Variants in COMMD1 observed in about 807,000 individuals in gnomAD.
COMMD1 encodes the protein COMM domain-containing protein 1.
Under a neutral mutation model 17.2 loss-of-function variants are expected in COMMD1, and 10 were observed. The ratio of observed to expected loss-of-function variants is 0.58; its 90% CI spans 0.36 to 0.99. The LOEUF (loss-of-function observed/expected upper bound fraction) is 0.99. Among genes scored for constraint, COMMD1 ranks in the 50% least tolerant of loss-of-function variants. The probability of loss-of-function intolerance (pLI) is 0.01; values close to 1 mark genes in which losing one functional copy is unlikely to be tolerated. For synonymous variants in COMMD1, 97 were observed against 91.6 expected, an observed-to-expected ratio of 1.06 and a Z score of -0.34; for missense variants, 270 against 231.8, an observed-to-expected ratio of 1.17 and a Z score of -1.07.
intron 2 of COMMD1, among the ~76,000 whole-genome samples, chr2:62,028,505 C>G (rs964722256): frequency 6.6e-6 from 1 of 152,016 alleles, no homozygotes; most frequent in East Asian, 1.9e-4. Flanking sequence ...AAACTTGAGT[C>G]TGGGAGGTCA....
intron 2 of COMMD1, among the ~76,000 whole-genome samples, chr2:62,038,818 A>C (rs554910203): frequency 6.6e-6 from 1 of 152,200 alleles, no homozygotes; most frequent in South Asian, 2.1e-4. Flanking sequence ...CAAAGTGCTA[A>C]GATTACAGGT....
intron 2 of COMMD1, among the ~76,000 whole-genome samples, chr2:62,093,347 T>C (rs866865038): frequency 4.6e-5 from 7 of 152,232 alleles, no homozygotes; most frequent in Non-Finnish European, 1.0e-4. Flanking sequence ...GTATACCTTT[T>C]GGGCTACCAT....
At chr2:62,052,239 C>G (rs1469272027) in intron 2 of COMMD1, among the ~76,000 whole-genome samples, 1 of 152,046 alleles carries the variant, frequency 6.6e-6, no homozygotes, top group Non-Finnish European at 1.5e-5. Flanking sequence ...TTGCTTGACC[C>G]CAGGAGTTCG....
At chr2:62,077,429 T>G (rs1671377146) in intron 2 of COMMD1, among the ~76,000 whole-genome samples, 1 of 152,290 alleles carries the variant, frequency 6.6e-6, no homozygotes, top group East Asian at 1.9e-4. Flanking sequence ...TTTGAAGGTA[T>G]TTTTATCTCT....
intron 2 of COMMD1, among the ~76,000 whole-genome samples, chr2:62,098,132 A>G (rs1052154201): frequency 7.1e-6 from 1 of 141,418 alleles, no homozygotes; most frequent in Admixed American, 7.0e-5. Context: ...TAAACTCATA[A>G]TTTTAGAGAC....
rs76592905 is a variant in COMMD1, at chr2:62,018,059, A to G, written c.462+17077A>G. On this transcript the variant is annotated intron_variant, in intron 2 of 2. Transcript: ENST00000311832. ...GCATGACCTATCTCAAAAAAAAAAA[A>G]AAGTCTGACTTTATGTGGAGGTAAG... 1.3e-4 allele frequency among the ~76,000 whole-genome samples: 20 copies of G among 152,208 alleles called. No individual in the cohort carries two copies. In the East Asian group the frequency reaches 3.7e-3, roughly 28 times the overall value.
chr2:62,047,965 A>G (rs1477076924), intron 2 of COMMD1, among the ~76,000 whole-genome samples: 2 of 152,146 alleles, frequency 1.3e-5, no homozygotes, highest in Admixed American at 1.3e-4. Flanking sequence ...GCTTAGGTGT[A>G]TAGTAGGCTA....
At chr2:62,134,367 A>G (rs1169328729) in intron 2 of COMMD1, among the ~76,000 whole-genome samples, 3 of 152,208 alleles carry the variant, frequency 2.0e-5, no homozygotes, top group Non-Finnish European at 4.4e-5. Context: ...TTAATTATCT[A>G]GAAAACAAGG....
intron 2 of COMMD1, among the ~76,000 whole-genome samples, chr2:62,008,361 GACACACACACACAC>G (rs151332274): frequency 0.015 from 2,160 of 146,644 alleles, 33 homozygotes; most frequent in Non-Finnish European, 0.023. Context: ...CACACAGACA[GACACACACACACAC>G]ACACACACAC....
At chr2:62,027,621 T>TTTATGTTATGTTATGTTATG (rs56724339) in intron 2 of COMMD1, among the ~76,000 whole-genome samples, 5 of 146,570 alleles carry the variant, frequency 3.4e-5, no homozygotes, top group African/African-American at 1.3e-4. Context: ...TATGCCTTAA[T>TTTATGTTATGTTATGTTATG]TTATGTTATG....
chr2:62,050,950 G>A (rs1038138082), intron 2 of COMMD1, among the ~76,000 whole-genome samples: 5 of 152,090 alleles, frequency 3.3e-5, no homozygotes, highest in Admixed American at 1.3e-4. Flanking sequence ...TGACAAATAT[G>A]TGGTTAAAGT....
At chr2:61,919,635 A>C (rs1670137295) in intron 1 of COMMD1, among the ~76,000 whole-genome samples, 2 of 151,186 alleles carry the variant, frequency 1.3e-5, no homozygotes, top group Admixed American at 6.6e-5. Context: ...AATTTGGCTC[A>C]GCTTTGTCTT....
intron 1 of COMMD1, among the ~76,000 whole-genome samples, chr2:61,926,902 A>C (rs1327569263): frequency 1.3e-5 from 2 of 152,108 alleles, no homozygotes. Flanking sequence ...TCCCTTGGGC[A>C]CATCCTCAAC....
upstream of COMMD1, chr2:61,888,462 C>CAGCCCCGGCAGT: frequency 6.2e-7 from 1 of 1,611,700 alleles, no homozygotes; most frequent in South Asian, 1.1e-5. Flanking sequence ...CGGCCGCCGG[C>CAGCCCCGGCAGT]AGCCCCGGCA....
intron 1 of COMMD1, among the ~76,000 whole-genome samples, chr2:61,915,329 C>G (rs1670022050): frequency 6.6e-6 from 1 of 151,600 alleles, no homozygotes; most frequent in Non-Finnish European, 1.5e-5. Flanking sequence ...CTCTTTTTTT[C>G]TATTCTCTTT....
At chr2:61,938,895 A>C (rs72821346) in intron 1 of COMMD1, among the ~76,000 whole-genome samples, 4,835 of 152,328 alleles carry the variant, frequency 0.032, 120 homozygotes, top group Non-Finnish European at 0.044. Context: ...AACCTCTTCC[A>C]TTAGGGCACC....
At chr2:61,889,719 G>A (rs1052077321) in intron 1 of COMMD1, among the ~76,000 whole-genome samples, 1 of 152,108 alleles carries the variant, frequency 6.6e-6, no homozygotes, top group South Asian at 2.1e-4. Flanking sequence ...ATACTGGGTG[G>A]TGGAGGTTTG....
chr2:62,127,454 T>C (rs1672914076), intron 2 of COMMD1, among the ~76,000 whole-genome samples: 1 of 152,126 alleles, frequency 6.6e-6, no homozygotes, highest in Admixed American at 6.5e-5. Flanking sequence ...GCCGAAGATA[T>C]CATGCTACCA....
intron 2 of COMMD1, among the ~76,000 whole-genome samples, chr2:62,002,491 G>GAAAAAAAAAAAAAAA (rs11310507): frequency 8.6e-5 from 3 of 35,074 alleles, no homozygotes; most frequent in Non-Finnish European, 1.5e-4. Context: ...GATTCCACCA[G>GAAAAAAAAAAAAAAA]AAAAAAAAAA....
Sources: allele counts gnomAD v4.1 joint callset (sites outside exome capture counted in the v4.1 genomes callset), GRCh38; gene constraint gnomAD v4.1.1; transcripts MANE v1.5; gene names NCBI Gene and HGNC (gene_info 2026-07-23, HGNC 2026-07-21).